CSMD3: variants seen among roughly 807,000 people sequenced by gnomAD.
The protein encoded by CSMD3 is CUB and Sushi multiple domains 3.
CSMD3 carries 177 observed loss-of-function variants against 435.2 expected under a neutral mutation model. The observed-to-expected ratio is 0.41, with a 90% CI of 0.36 to 0.46. The LOEUF (loss-of-function observed/expected upper bound fraction) is 0.46, where lower values mean the gene tolerates loss of function less well. Ranked by LOEUF, CSMD3 falls within the 20% of genes least tolerant of loss-of-function variation. The probability of loss-of-function intolerance (pLI) is 0.34; values close to 1 mark genes in which losing one functional copy is unlikely to be tolerated. For missense variants in CSMD3, 4,265 were observed against 4,504.6 expected (o/e 0.95, Z 1.52); for synonymous variants, 1,656 against 1,520.5 (o/e 1.09, Z -2.07).
At chr8:112,875,327 C>A (rs956330839) in intron 10 of CSMD3, among the ~76,000 whole-genome samples, 1 of 152,154 alleles carries the variant, frequency 6.6e-6, no homozygotes, top group Non-Finnish European at 1.5e-5. Context: ...GTAACCCAAC[C>A]TTTCTTGCTG....
intron 27 of CSMD3, among the ~76,000 whole-genome samples, chr8:112,546,110 C>T (rs1000847726): frequency 3.3e-5 from 5 of 152,122 alleles, no homozygotes; most frequent in East Asian, 3.9e-4. Flanking sequence ...AAACGTGCGA[C>T]GATATTGTCC....
In CSMD3 at chr8:112,289,349, A is replaced by G; in HGVS notation, c.9148+16T>C. On this transcript the variant is annotated intron_variant, in intron 57 of 70. Transcript: ENST00000297405. Reference sequence around the variant, plus strand: ...TGTAATTTCCAACACATATTGTCCAATTTTCCAAGTGGTACCTGAACAATG... The same window carrying G: ...TGTAATTTCCAACACATATTGTCCAGTTTTCCAAGTGGTACCTGAACAATG... The G allele has an allele frequency of 6.2e-7, 1 of 1,609,954 alleles. No homozygotes were observed. The highest frequency in any genetic ancestry group is 2.2e-5 in the East Asian group (1 of 44,810).
At chr8:113,285,801 T>G (rs956634415) in intron 2 of CSMD3, among the ~76,000 whole-genome samples, 4 of 152,102 alleles carry the variant, frequency 2.6e-5, no homozygotes, top group African/African-American at 7.2e-5. Context: ...AACTATGTTC[T>G]CTCACCCTAA....
chr8:113,408,598 G>A (rs868672202), intron 1 of CSMD3, among the ~76,000 whole-genome samples: 2 of 151,594 alleles, frequency 1.3e-5, no homozygotes, highest in African/African-American at 2.4e-5. Context: ...TAATAAAAAG[G>A]TGCAGGCAAA....
chr8:112,317,560 G>A (rs1239296361), intron 47 of CSMD3, among the ~76,000 whole-genome samples: 3 of 151,962 alleles, frequency 2.0e-5, no homozygotes, highest in African/African-American at 7.2e-5. Context: ...GGTCTAGAGA[G>A]TAGCCTTACA....
At chr8:112,480,629 C>T (rs1423516888) in intron 31 of CSMD3, among the ~76,000 whole-genome samples, 1 of 152,102 alleles carries the variant, frequency 6.6e-6, no homozygotes, top group Non-Finnish European at 1.5e-5. Flanking sequence ...CCTTCCCCCT[C>T]TCTCTCTTGC....
intron 35 of CSMD3, among the ~76,000 whole-genome samples, chr8:112,393,524 C>G (rs1830617007): frequency 6.6e-6 from 1 of 152,154 alleles, no homozygotes; most frequent in South Asian, 2.1e-4. Flanking sequence ...GAAACAGACT[C>G]AAGTCTGAGC....
chr8:113,260,101 C>A (rs1360267772), intron 3 of CSMD3, among the ~76,000 whole-genome samples: 1 of 152,108 alleles, frequency 6.6e-6, no homozygotes, highest in African/African-American at 2.4e-5. Context: ...TTTCCAGAGC[C>A]CTCCCTAGCC....
At chr8:112,589,912 T>C (rs1303723314) in intron 22 of CSMD3, among the ~76,000 whole-genome samples, 5 of 152,124 alleles carry the variant, frequency 3.3e-5, no homozygotes, top group Non-Finnish European at 7.4e-5. Flanking sequence ...GTAACAAATG[T>C]ATGACTCAGA....
chr8:112,738,894 TG>T (rs1447364439), intron 13 of CSMD3, among the ~76,000 whole-genome samples: 2 of 151,736 alleles, frequency 1.3e-5, no homozygotes, highest in African/African-American at 4.8e-5. Context: ...CAGTTTTAAG[TG>T]GATTGAATTT....
intron 3 of CSMD3, among the ~76,000 whole-genome samples, chr8:113,252,396 T>C (rs1037652732): frequency 6.6e-6 from 1 of 152,068 alleles, no homozygotes; most frequent in Non-Finnish European, 1.5e-5. Context: ...TGTAATTCAC[T>C]GGGGCAAAAA....
intron 3 of CSMD3, among the ~76,000 whole-genome samples, chr8:113,258,644 C>T (rs2093402963): frequency 6.6e-6 from 1 of 152,034 alleles, no homozygotes; most frequent in African/African-American, 2.4e-5. Flanking sequence ...AAAAAGTTTC[C>T]CATCCTGGAG....
chr8:112,844,818 C>T (rs1284849153), intron 11 of CSMD3, among the ~76,000 whole-genome samples: 3 of 151,890 alleles, frequency 2.0e-5, no homozygotes, highest in South Asian at 2.1e-4. Context: ...ACCTTCTTTG[C>T]CCAGTCTCTC....
chr8:112,800,119 G>T (rs2078926091), intron 13 of CSMD3, 43 bp downstream of exon 13: 2 of 1,245,216 alleles, frequency 1.6e-6, no homozygotes, highest in Non-Finnish European at 2.4e-6. Flanking sequence ...ATATTCTCTG[G>T]TGGTATTAAG....
chr8:113,049,026 G>C (rs192891958), intron 5 of CSMD3, among the ~76,000 whole-genome samples: 1 of 152,056 alleles, frequency 6.6e-6, no homozygotes, highest in Non-Finnish European at 1.5e-5. Context: ...ATCACTTGAG[G>C]TCAAGAGTTC....
intron 1 of CSMD3, among the ~76,000 whole-genome samples, chr8:113,333,721 G>A (rs373391732): frequency 6.6e-6 from 1 of 151,710 alleles, no homozygotes; most frequent in East Asian, 1.9e-4. Flanking sequence ...TCTTCCCACA[G>A]TATTATTCAT....
intron 32 of CSMD3, among the ~76,000 whole-genome samples, chr8:112,434,179 A>G (rs1171955979): frequency 6.6e-6 from 1 of 152,190 alleles, no homozygotes; most frequent in Non-Finnish European, 1.5e-5. Context: ...CTCACCACTA[A>G]GATTCCCTAA....
At chr8:112,340,454 T>C (rs1308056451) in intron 42 of CSMD3, among the ~76,000 whole-genome samples, 1 of 152,170 alleles carries the variant, frequency 6.6e-6, no homozygotes, top group East Asian at 1.9e-4. Context: ...TCCTCTTTGG[T>C]AGATACTTTA....
chr8:112,737,836 G>C (rs1458733274), intron 13 of CSMD3, among the ~76,000 whole-genome samples: 7 of 151,698 alleles, frequency 4.6e-5, no homozygotes, highest in Non-Finnish European at 1.0e-4. Context: ...TAACAATGAA[G>C]AAAAACCCCT....
Sources: gnomAD v4.1 joint callset for allele counts (sites outside exome capture counted in the v4.1 genomes callset) on GRCh38, gnomAD v4.1.1 for gene constraint, MANE v1.5 for transcripts, NCBI Gene and HGNC (gene_info 2026-07-23, HGNC 2026-07-21) for gene names.